The following SPMIP7 variants were observed in gnomAD, a reference collection of about 807,000 sequenced individuals.
SPMIP7 encodes the protein sperm microtubule inner protein 7.
At chr7:50,135,703 G>A in the SPMIP7 span, among the ~76,000 whole-genome samples, 6 of 152,186 alleles carry the variant, frequency 3.9e-5, no homozygotes, top group Non-Finnish European at 7.3e-5. Flanking sequence ...TGGGCCAGAT[G>A]ATATTCAAAG....
chr7:50,152,750 G>A, the SPMIP7 span, among the ~76,000 whole-genome samples: 1 of 151,564 alleles, frequency 6.6e-6, no homozygotes, highest in Non-Finnish European at 1.5e-5. Flanking sequence ...GCAGTGGTGC[G>A]ATCTCAGCTC....
the SPMIP7 span, chr7:50,096,527 G>A: frequency 6.4e-7 from 1 of 1,551,758 alleles, no homozygotes; most frequent in Non-Finnish European, 8.7e-7. Context: ...ACCAGACACA[G>A]GATTTCAAAC....
chr7:50,155,747 G>A, the SPMIP7 span, among the ~76,000 whole-genome samples: 49,519 of 94,262 alleles, frequency 0.53, 10,283 homozygotes, highest in Non-Finnish European at 0.61. Flanking sequence ...TTCACATCCA[G>A]ATTCAGGCCC....
chr7:50,098,722 A>C, the SPMIP7 span, among the ~76,000 whole-genome samples: 2 of 152,048 alleles, frequency 1.3e-5, no homozygotes, highest in African/African-American at 2.4e-5. Context: ...CCTCTACTTA[A>C]CACTAATGCC....
chr7:50,152,341 T>C, the SPMIP7 span, among the ~76,000 whole-genome samples: 4 of 151,868 alleles, frequency 2.6e-5, no homozygotes, highest in African/African-American at 7.3e-5. Flanking sequence ...TGAGACTCCA[T>C]CTAAAAAAAA....
the SPMIP7 span, among the ~76,000 whole-genome samples, chr7:50,145,681 G>A: frequency 7.9e-6 from 1 of 126,600 alleles, no homozygotes; most frequent in Non-Finnish European, 1.7e-5. Context: ...ATATGGGAGA[G>A]AGCCCTGAGA....
At chr7:50,141,517 C>T in the SPMIP7 span, 3 of 641,332 alleles carry the variant, frequency 4.7e-6, no homozygotes, top group Non-Finnish European at 2.8e-6. Context: ...AAGATACCTG[C>T]TTCCTAAAAG....
At chr7:50,132,079 A>T in the SPMIP7 span, among the ~76,000 whole-genome samples, 1 of 152,162 alleles carries the variant, frequency 6.6e-6, no homozygotes, top group African/African-American at 2.4e-5. Flanking sequence ...CAGGGGTGTT[A>T]TGAAAACACT....
At chr7:50,153,458 T>C in the SPMIP7 span, among the ~76,000 whole-genome samples, 1 of 152,262 alleles carries the variant, frequency 6.6e-6, no homozygotes, top group Non-Finnish European at 1.5e-5. Context: ...GCATGTTTAC[T>C]GTGCTCCAAT....
At chr7:50,107,099 G>T in the SPMIP7 span, among the ~76,000 whole-genome samples, 1 of 150,088 alleles carries the variant, frequency 6.7e-6, no homozygotes, top group Non-Finnish European at 1.5e-5. Context: ...TATCCAGGTG[G>T]GGTGGCACAT....
chr7:50,125,109 T>C, the SPMIP7 span, among the ~76,000 whole-genome samples: 3 of 59,910 alleles, frequency 5.0e-5, no homozygotes, highest in African/African-American at 8.9e-5. Context: ...TATATATATA[T>C]ATATATACAC....
the SPMIP7 span, among the ~76,000 whole-genome samples, chr7:50,146,610 T>C: frequency 2.0e-4 from 31 of 152,372 alleles, no homozygotes; most frequent in East Asian, 5.6e-3. Context: ...TCCAGTTTTA[T>C]TTGCATTTGT....
chr7:50,146,718 T>C, the SPMIP7 span, among the ~76,000 whole-genome samples: 1 of 152,210 alleles, frequency 6.6e-6, no homozygotes, highest in Non-Finnish European at 1.5e-5. Context: ...AGTCCTTCCC[T>C]TCTCTCAGCC....
At chr7:50,149,396 T>C in the SPMIP7 span, among the ~76,000 whole-genome samples, 4 of 152,252 alleles carry the variant, frequency 2.6e-5, no homozygotes, top group Non-Finnish European at 4.4e-5. Context: ...GTTTTCATAT[T>C]CATTGAAGTC....
the SPMIP7 span, among the ~76,000 whole-genome samples, chr7:50,136,417 G>A: frequency 5.0e-4 from 75 of 150,900 alleles, no homozygotes; most frequent in African/African-American, 1.5e-3. Context: ...TGTAATCCCA[G>A]CTACTTGGGA....
the SPMIP7 span, among the ~76,000 whole-genome samples, chr7:50,098,085 A>C: frequency 1.3e-5 from 2 of 152,134 alleles, no homozygotes; most frequent in African/African-American, 4.8e-5. Flanking sequence ...ACAAACCTAA[A>C]TACACGTTAT....
the SPMIP7 span, among the ~76,000 whole-genome samples, chr7:50,109,753 C>A: frequency 1.5e-4 from 23 of 152,188 alleles, no homozygotes; most frequent in Non-Finnish European, 2.8e-4. Context: ...ATTATATCTA[C>A]CTCAAATTGC....
chr7:50,128,117 G>T, the SPMIP7 span, among the ~76,000 whole-genome samples: 1 of 151,090 alleles, frequency 6.6e-6, no homozygotes, highest in Admixed American at 6.6e-5. Context: ...TATACACAAT[G>T]GAATATTATT....
the SPMIP7 span, among the ~76,000 whole-genome samples, chr7:50,131,499 T>C: frequency 8.6e-5 from 13 of 151,996 alleles, no homozygotes; most frequent in Admixed American, 6.6e-4. Flanking sequence ...TCATGGCTTG[T>C]AGAAAGGTAT....
Sources: allele counts gnomAD v4.1 joint callset (sites outside exome capture counted in the v4.1 genomes callset), GRCh38; gene constraint gnomAD v4.1.1; transcripts MANE v1.5; gene names NCBI Gene and HGNC (gene_info 2026-07-23, HGNC 2026-07-21).